RUNX1: variants seen among roughly 807,000 people sequenced by gnomAD.
RUNX1 encodes the protein RUNX family transcription factor 1.
RUNX1 carries 19 observed loss-of-function variants against 42.8 expected under a neutral mutation model. The observed-to-expected ratio is 0.44, with a 90% CI of 0.31 to 0.65. The LOEUF (loss-of-function observed/expected upper bound fraction) is 0.65. Among genes scored for constraint, RUNX1 ranks in the 30% least tolerant of loss-of-function variants. RUNX1 has a pLI of 0.07. For missense variants in RUNX1, 528 were observed against 672.0 expected (o/e 0.79, Z 2.37); for synonymous variants, 271 against 289.4 (o/e 0.94, Z 0.64).
rs78430480 is a variant in RUNX1 at position 35,027,806 on chromosome 21, C to A, written c.58+21036G>T. On this transcript the variant is annotated intron_variant, in intron 2 of 8. Transcript: ENST00000675419. Reference sequence around the variant, plus strand: ...TTGCATCTTGCAGGTAGAACTCACACGTGTCCACATTTTTCAGAAGTTGAA... The same window carrying A: ...TTGCATCTTGCAGGTAGAACTCACAAGTGTCCACATTTTTCAGAAGTTGAA... 1.4e-3 allele frequency among the ~76,000 whole-genome samples: 207 copies of A among 152,296 alleles called. 5 individuals carry two copies. In the East Asian group the frequency reaches 0.034, roughly 25 times the overall value.
At chr21:34,915,334 G>A (rs973095952) in intron 2 of RUNX1, among the ~76,000 whole-genome samples, 1 of 152,190 alleles carries the variant, frequency 6.6e-6, no homozygotes, top group African/African-American at 2.4e-5. Context: ...CACCCTTTAT[G>A]AGGAAGAAGA....
At chr21:34,993,826 GACACAC>G (rs141495136) in intron 2 of RUNX1, among the ~76,000 whole-genome samples, 1 of 142,734 alleles carries the variant, frequency 7.0e-6, no homozygotes, top group Non-Finnish European at 1.5e-5. Flanking sequence ...CACATACACA[GACACAC>G]ACACAGACAC....
chr21:34,830,258 A>G (rs542707910), intron 7 of RUNX1, among the ~76,000 whole-genome samples: 12 of 152,312 alleles, frequency 7.9e-5, no homozygotes, highest in African/African-American at 2.2e-4. Flanking sequence ...AATGGCCCCA[A>G]TAAAGTAAAC....
chr21:34,922,413 A>G (rs2058360949), intron 2 of RUNX1, among the ~76,000 whole-genome samples: 1 of 152,184 alleles, frequency 6.6e-6, no homozygotes, highest in South Asian at 2.1e-4. Flanking sequence ...CTTTATATCA[A>G]AGACAAGGAA....
In RUNX1 at chr21:34,995,855, TTC is replaced by T. The variant is rs778972231; in HGVS notation, c.58+52985_58+52986del. On this transcript the variant is annotated intron_variant, in intron 2 of 8. Coordinates refer to ENST00000675419, the MANE Select transcript of RUNX1 (RefSeq NM_001754.5). ...AGGAACTAATGCTGTCTTAATTATT[TTC>T]TCTGTCTCTCCTCTGCCTCTTCGAA... is the stretch of plus-strand genomic sequence containing the variant. Among the ~76,000 whole-genome samples the T allele has an allele frequency of 9.2e-5, 14 of 152,330 alleles. No homozygotes were observed. The South Asian group carries it at 2.1e-3, about 23-fold the overall frequency.
intron 5 of RUNX1, among the ~76,000 whole-genome samples, chr21:34,872,916 A>T (rs2057760776): frequency 1.3e-5 from 2 of 152,188 alleles, no homozygotes; most frequent in African/African-American, 4.8e-5. Flanking sequence ...CAAGATTATG[A>T]TCAAAATTGA....
At chr21:35,019,010 C>T (rs2059179316) in intron 2 of RUNX1, among the ~76,000 whole-genome samples, 1 of 152,192 alleles carries the variant, frequency 6.6e-6, no homozygotes, top group African/African-American at 2.4e-5. Context: ...TGAAGGGAAA[C>T]AGGGAATAAT....
At position 34,873,957 on chromosome 21, in the gene RUNX1, A is replaced by G. The variant is rs377384129; in HGVS notation, c.508+6600T>C. 5.2e-4 allele frequency among the ~76,000 whole-genome samples: 79 copies of G among 152,356 alleles called. 1 individual carries two copies. In the South Asian group the frequency reaches 7.7e-3, roughly 15 times the overall value. ...GCCAGGGAGCCGACAAAACGAGCGCATGTCATAGTATTCATAGGCAGCTCA... is the reference window on the plus strand; with the variant it reads ...GCCAGGGAGCCGACAAAACGAGCGCGTGTCATAGTATTCATAGGCAGCTCA... On this transcript the variant is annotated intron_variant, in intron 5 of 8. Transcript: ENST00000675419.
rs1022808091 is a variant in RUNX1, at chr21:34,907,419, A to G, written c.59-14456T>C. 2.0e-5 allele frequency among the ~76,000 whole-genome samples: 3 copies of G among 152,202 alleles called. No individual in the cohort carries two copies. In the East Asian group the frequency reaches 5.8e-4, roughly 29 times the overall value. The stretch of plus-strand genomic sequence containing the variant: ...GAATAACTGGAAAATAGAGTGCTTC[A>G]TCAGTAGTAAGGGTGAATACTGCTT... On this transcript the variant is annotated intron_variant, in intron 2 of 8. Transcript: ENST00000675419. The surrounding 1 kb of genome is among the most constrained non-coding windows in gnomAD (Gnocchi z 5.3).
intron 2 of RUNX1, among the ~76,000 whole-genome samples, chr21:34,980,634 A>C (rs1237263244): frequency 6.6e-6 from 1 of 152,136 alleles, no homozygotes; most frequent in Non-Finnish European, 1.5e-5. Context: ...CGAGGGAAAC[A>C]GTTTTCCCCA....
At chr21:34,949,907 C>T (rs556619942) in intron 2 of RUNX1, among the ~76,000 whole-genome samples, 4 of 152,216 alleles carry the variant, frequency 2.6e-5, no homozygotes, top group Non-Finnish European at 2.9e-5. Flanking sequence ...GATGTCCCTC[C>T]GAACTGACTG....
At chr21:34,879,255 G>C (rs1467434529) in intron 5 of RUNX1, among the ~76,000 whole-genome samples, 1 of 152,100 alleles carries the variant, frequency 6.6e-6, no homozygotes, top group Non-Finnish European at 1.5e-5. Context: ...ATATCTTATA[G>C]CATCACTCAT....
rs1010187915 is a variant in RUNX1 at position 34,843,048 on chromosome 21, C to T, written c.614-8447G>A. On this transcript the variant is annotated intron_variant, in intron 6 of 8. Coordinates refer to ENST00000675419, the MANE Select transcript of RUNX1 (RefSeq NM_001754.5). The surrounding 1 kb of genome is among the most constrained non-coding windows in gnomAD (Gnocchi z 4.8). ...TCATGCCAGTGCACTCCAGCCTGAG[C>T]GACAGAGCGAGACTCTGTCTCAAAA... 6.6e-6 allele frequency among the ~76,000 whole-genome samples: 1 copy of T among 152,012 alleles called. No individual in the cohort carries two copies. The highest frequency in any genetic ancestry group is 1.5e-5 in the Non-Finnish European group (1 of 67,990).
intron 2 of RUNX1, among the ~76,000 whole-genome samples, chr21:35,002,681 C>G (rs1459378850): frequency 6.6e-6 from 1 of 151,978 alleles, no homozygotes; most frequent in African/African-American, 2.4e-5. Flanking sequence ...ATCTGCCTTG[C>G]CCTCCCAAAC....
rs1257444990 is a variant in RUNX1 at position 34,790,404 on chromosome 21, A to T, written c.*1731T>A. On this transcript the variant is annotated 3_prime_UTR_variant, in exon 9 of 9. Transcript: ENST00000675419. ...GAGTTGACCTGAAATCGTTTCAACG[A>T]ATTTTAAGAGGTACGTTAAATAACC... 9 of 233,638 alleles carry T rather than the reference A, an allele frequency of 3.9e-5. No homozygotes were observed. Among genetic ancestry groups the T allele is most frequent in the Non-Finnish European group, 7.6e-5 (9 of 118,062 alleles). The allele number at this position is 233,638 out of a possible 1,614,324, so 14.5% of individuals were successfully genotyped here.
intron 2 of RUNX1, among the ~76,000 whole-genome samples, chr21:35,037,031 G>A (rs567780393): frequency 2.0e-5 from 3 of 152,228 alleles, no homozygotes; most frequent in African/African-American, 7.2e-5. Context: ...AGATATACCT[G>A]GGACACAAAA....
chr21:35,031,873 G>T (rs554387144), intron 2 of RUNX1, among the ~76,000 whole-genome samples: 1 of 152,180 alleles, frequency 6.6e-6, no homozygotes. Context: ...TCTGTCTATG[G>T]AAATATTTTT....
intron 6 of RUNX1, among the ~76,000 whole-genome samples, chr21:34,849,465 A>ATATATATAATATATATTATAATATATAG (rs2057385055): frequency 2.1e-5 from 1 of 46,944 alleles, no homozygotes; most frequent in East Asian, 1.1e-3. Context: ...AATATATAGT[A>ATATATATAATATATATTATAATATATAG]TATATATAAT....
intron 7 of RUNX1, among the ~76,000 whole-genome samples, chr21:34,802,195 G>T (rs1047150239): frequency 1.8e-4 from 27 of 152,222 alleles, no homozygotes; most frequent in African/African-American, 6.3e-4. Context: ...AAAGGCCCCA[G>T]GCTGAGGAAG....
Sources: allele counts gnomAD v4.1 joint callset (sites outside exome capture counted in the v4.1 genomes callset), GRCh38; gene constraint gnomAD v4.1.1; non-coding constraint Gnocchi (gnomAD v3.1); transcripts MANE v1.5; gene names NCBI Gene and HGNC (gene_info 2026-07-23, HGNC 2026-07-21).